The following FBXO3 variants were observed in gnomAD, a reference collection of about 807,000 sequenced individuals.
FBXO3 encodes the protein F-box protein 3.
FBXO3 carries 17 observed loss-of-function variants against 64.8 expected under a neutral mutation model. The observed-to-expected ratio is 0.26, with a 90% confidence interval of 0.18 to 0.39. The LOEUF is 0.39. FBXO3 is among the 10% of genes least tolerant of loss of function. FBXO3 has a pLI of 1.00. For synonymous variants in FBXO3, 182 were observed against 201.6 expected (o/e 0.90, Z 0.82); for missense variants, 420 against 589.9 (o/e 0.71, Z 2.98).
intron 3 of FBXO3, among the ~76,000 whole-genome samples, chr11:33,760,259 A>G (rs1855209850): frequency 6.6e-6 from 1 of 152,212 alleles, no homozygotes; most frequent in African/African-American, 2.4e-5. Context: ...AGACAAAGAT[A>G]AATTTTAAAA....
chr11:33,754,690 T>C (rs1402318699), intron 5 of FBXO3, among the ~76,000 whole-genome samples, 190 bp from the exon 6 acceptor site: 1 of 152,184 alleles, frequency 6.6e-6, no homozygotes, highest in Non-Finnish European at 1.5e-5. Context: ...AGTTCTAGGT[T>C]ACTCATTTCT....
chr11:33,758,592 C>A lies in FBXO3; in HGVS notation c.368G>T (p.Arg123Leu). The change falls in exon 4 of 11, where the codon CGA becomes CTA. Residue 123 changes from arginine (R) to leucine (L), a missense_variant. This residue lies in a region of FBXO3 where 337 missense variants were observed against 518.4 expected (regional missense o/e 0.65). Coordinates refer to ENST00000265651, the MANE Select transcript of FBXO3 (RefSeq NM_012175.4). ...TTCCACAGCATCGAGGTCTTCCTCT[C>A]GAGCACCCTCTATAAAGGCACAAAA... ...RMVLSLKEGA[R>L]EEDLDAVEAQ... 6.2e-7 allele frequency: 1 copy of A among 1,600,292 alleles called. No individual in the cohort carries two copies. The highest frequency in any genetic ancestry group is 1.1e-5 in the South Asian group (1 of 89,930).
chr11:33,774,237 C>T (rs909012069), intron 1 of FBXO3, 157 bp downstream of exon 1: 15 of 634,018 alleles, frequency 2.4e-5, no homozygotes, highest in Non-Finnish European at 3.5e-5. Flanking sequence ...CGTCTCGCCC[C>T]GGTCCCCGGT....
At chr11:33,754,960 G>A (rs1380384783) in intron 5 of FBXO3, among the ~76,000 whole-genome samples, 1 of 148,700 alleles carries the variant, frequency 6.7e-6, no homozygotes, top group Non-Finnish European at 1.5e-5. Context: ...CCGCCTCCCG[G>A]ATTCAAGCAA....
chr11:33,752,691 G>C (rs1454484740), intron 6 of FBXO3, among the ~76,000 whole-genome samples: 2 of 152,110 alleles, frequency 1.3e-5, no homozygotes, highest in African/African-American at 4.8e-5. Context: ...CACTGATCAT[G>C]TACCTACTTT....
intron 10 of FBXO3, chr11:33,746,900 T>C (rs992767791): frequency 6.1e-5 from 87 of 1,423,792 alleles, no homozygotes; most frequent in Non-Finnish European, 7.4e-5. Flanking sequence ...CACTGAACAG[T>C]GAAAAACAAG....
intron 5 of FBXO3, 26 bp downstream of exon 5, chr11:33,755,745 C>G: frequency 6.4e-7 from 1 of 1,553,606 alleles, no homozygotes; most frequent in African/African-American, 1.4e-5. Context: ...ATCTTAATGC[C>G]ATATTTAAAC....
intron 3 of FBXO3, among the ~76,000 whole-genome samples, chr11:33,762,726 A>AG (rs1173658779): frequency 3.1e-5 from 3 of 98,022 alleles, no homozygotes; most frequent in East Asian, 3.2e-4. Flanking sequence ...ATCCCAAGTC[A>AG]GGAAAAAAAA....
chr11:33,758,736 G>T, intron 3 of FBXO3, 135 bp from the exon 4 acceptor site: 1 of 525,934 alleles, frequency 1.9e-6, no homozygotes, highest in Non-Finnish European at 3.1e-6. Context: ...GAAATAGAAG[G>T]AAATGAATTG....
chr11:33,751,515 T>G lies in FBXO3; in HGVS notation c.809+8A>C, dbSNP rs764154693. On this transcript the variant is annotated splice_region_variant and intron_variant, in intron 7 of 10. Coordinates refer to ENST00000265651, the MANE Select transcript of FBXO3 (RefSeq NM_012175.4). ...CATTTCAATCCAAAAAGACCCAAAA[T>G]AAAATACCTGAAAATTTGGTCTCTG... 4 of 1,580,104 alleles carry G rather than the reference T, an allele frequency of 2.5e-6. No individual in the cohort carries two copies. The highest frequency in any genetic ancestry group is 1.4e-5 in the African/African-American group (1 of 73,598).
At chr11:33,772,992 G>GA (rs77476481) in intron 1 of FBXO3, 18,260 of 135,406 alleles carry the variant, frequency 0.13, 1,766 homozygotes, top group African/African-American at 0.29. Flanking sequence ...TGAGCCACAG[G>GA]AAAAAAAAAA....
chr11:33,755,133 A>G (rs929885049), intron 5 of FBXO3, among the ~76,000 whole-genome samples: 1 of 152,108 alleles, frequency 6.6e-6, no homozygotes, highest in Non-Finnish European at 1.5e-5. Flanking sequence ...CAGCCTCCCA[A>G]AGTACTGAGA....
rs1289902549 is a variant in FBXO3 at position 33,741,320 on chromosome 11, G to A, written c.*588C>T. On this transcript the variant is annotated 3_prime_UTR_variant, in exon 11 of 11. Coordinates refer to ENST00000265651, the MANE Select transcript of FBXO3 (RefSeq NM_012175.4). The stretch of plus-strand genomic sequence containing the variant: ...ACCTGAAATTAAATTCAAGGTTGTA[G>A]TGATGAAAAATTTAAAGTCAAGGTC... The A allele has an allele frequency of 1.3e-5, 2 of 152,650 alleles. No individual in the cohort carries two copies. Among genetic ancestry groups the A allele is most frequent in the African/African-American group, 4.8e-5 (2 of 41,462 alleles). The allele number at this position is 152,650 out of a possible 1,614,324, so 9.5% of individuals were successfully genotyped here.
chr11:33,755,894 C>T lies in FBXO3; in HGVS notation c.555G>A (p.Gln185=). Reference sequence around the variant, plus strand: ...GACAGTATTTCAGTCCCTGTCTCTGCTGGAATCCTCCGGCAGCTGTATCGA... The same window carrying T: ...GACAGTATTTCAGTCCCTGTCTCTGTTGGAATCCTCCGGCAGCTGTATCGA... The part of the protein sequence containing the change: ...LDVDTAAGGF[Q]QRQGLKYCLP... Residue 185 remains glutamine (Q), a synonymous_variant, in exon 5 of 11, where the codon CAG becomes CAA. Coordinates refer to ENST00000265651, the MANE Select transcript of FBXO3 (RefSeq NM_012175.4). 6.2e-7 allele frequency: 1 copy of T among 1,614,172 alleles called. No individual in the cohort carries two copies. Among genetic ancestry groups the T allele is most frequent in the Non-Finnish European group, 8.5e-7 (1 of 1,180,018 alleles).
chr11:33,758,546 A>C lies in FBXO3; in HGVS notation c.414T>G (p.Leu138=). 4 of 1,610,536 alleles carry C rather than the reference A, an allele frequency of 2.5e-6. No individual in the cohort carries two copies. Among genetic ancestry groups the C allele is most frequent in the African/African-American group, 1.3e-5 (1 of 75,028 alleles). The change falls in exon 4 of 11, where the codon CTT becomes CTG. Residue 138 remains leucine (L), a synonymous_variant. Coordinates refer to ENST00000265651, the MANE Select transcript of FBXO3 (RefSeq NM_012175.4). ...DAVEAQIGCK[L]PDDYRCSYRI... is the part of the protein sequence containing the mutation. Reference sequence around the variant, plus strand: ...GGTATGAACATCGATAATCGTCAGGAAGCTTGCAGCCAATCTGCGCTTCCA... The same window carrying C: ...GGTATGAACATCGATAATCGTCAGGCAGCTTGCAGCCAATCTGCGCTTCCA...
chr11:33,768,704 A>C, intron 3 of FBXO3, 147 bp downstream of exon 3: 1 of 892,012 alleles, frequency 1.1e-6, no homozygotes, highest in Non-Finnish European at 1.9e-6. Flanking sequence ...TGAAGGTCCT[A>C]CTTCCATGGC....
At chr11:33,769,705 A>C (rs1352165088) in intron 2 of FBXO3, among the ~76,000 whole-genome samples, 1 of 151,954 alleles carries the variant, frequency 6.6e-6, no homozygotes, top group African/African-American at 2.4e-5. Context: ...ATGAATATAG[A>C]AGGAGGGAGA....
In FBXO3 at chr11:33,758,539, C is replaced by T; in HGVS notation, c.421G>A (p.Asp141Asn). The change falls in exon 4 of 11, where the codon GAT becomes AAT. Residue 141 changes from aspartate (D) to asparagine (N), a missense_variant. By Grantham distance (23) the Asp-to-Asn change is conservative (BLOSUM62 1). This residue lies in a region of FBXO3 where 337 missense variants were observed against 518.4 expected (regional missense o/e 0.65). Transcript: ENST00000265651. ...TGAATTCGGTATGAACATCGATAAT[C>T]GTCAGGAAGCTTGCAGCCAATCTGC... is the stretch of plus-strand genomic sequence containing the variant. ...EAQIGCKLPDDYRCSYRIHNG... is the reference protein window; with the variant it reads ...EAQIGCKLPDNYRCSYRIHNG... 3.7e-6 allele frequency: 6 copies of T among 1,609,742 alleles called. No homozygotes were observed. Among genetic ancestry groups the T allele is most frequent in the Non-Finnish European group, 5.1e-6 (6 of 1,176,814 alleles).
chr11:33,773,119 AGAT>A (rs1855551386), intron 1 of FBXO3: 1 of 152,232 alleles, frequency 6.6e-6, no homozygotes, highest in Admixed American at 6.5e-5. Context: ...TATACAAGCC[AGAT>A]GATAAGAGCT....
Sources: gnomAD v4.1 joint callset for allele counts (sites outside exome capture counted in the v4.1 genomes callset) on GRCh38, gnomAD v4.1.1 for gene constraint, gnomAD v4.1.1 regional missense constraint, MANE v1.5 for transcripts, NCBI Gene and HGNC (gene_info 2026-07-23, HGNC 2026-07-21) for gene names.